Variants in RIMBP2 observed in about 807,000 individuals in gnomAD.
RIMBP2 encodes the protein RIMS-binding protein 2.
In RIMBP2, 48 loss-of-function variants were observed where a neutral mutation model predicts 118.6. The ratio of observed to expected loss-of-function variants is 0.40; its 90% CI spans 0.32 to 0.51. RIMBP2 has a LOEUF of 0.51. RIMBP2 is among the 20% of genes least tolerant of loss of function. The pLI is 0.41. For missense variants in RIMBP2, 1,551 were observed against 1,768.3 expected, an observed-to-expected ratio of 0.88 and a Z score of 2.20; for synonymous variants, 762 against 742.9, an observed-to-expected ratio of 1.03 and a Z score of -0.42.
rs559428160 is a variant in RIMBP2 at position 130,484,306 on chromosome 12, G to A, written c.-3-5290C>T. ...CCTGCTGTAACACCCTGGCTTTCGC[G>A]CTGTTTCTAAAGAGCAGACCAGTGC... On this transcript the variant is annotated intron_variant, in intron 4 of 22. Transcript: ENST00000690449. Among the ~76,000 whole-genome samples the A allele has an allele frequency of 1.4e-4, 21 of 152,262 alleles. No homozygotes were observed. In the South Asian group the frequency reaches 4.1e-3, roughly 30 times the overall value.
intron 1 of RIMBP2, among the ~76,000 whole-genome samples, chr12:130,704,988 A>G (rs1657854464): frequency 6.6e-6 from 1 of 152,086 alleles, no homozygotes. Flanking sequence ...GCTCAAAACA[A>G]CACACATCTC....
intron 1 of RIMBP2, among the ~76,000 whole-genome samples, chr12:130,701,915 C>T (rs755067119): frequency 1.3e-5 from 2 of 152,040 alleles, no homozygotes; most frequent in Non-Finnish European, 2.9e-5. Flanking sequence ...AGCCCACACA[C>T]GTATGTTCTA....
At chr12:130,575,409 T>C (rs536063911) in intron 2 of RIMBP2, among the ~76,000 whole-genome samples, 1 of 151,916 alleles carries the variant, frequency 6.6e-6, no homozygotes, top group Non-Finnish European at 1.5e-5. Flanking sequence ...GATATAGGAA[T>C]AGAATTCTTC....
At position 130,617,031 on chromosome 12, in the gene RIMBP2, C is replaced by G. The variant is rs1303003854; in HGVS notation, c.-217+11291G>C. ...CCTCCTCTGCAGAGGCCCCCATGTC[C>G]CACTGATGAGAGGTTCCACCCCATC... On this transcript the variant is annotated intron_variant, in intron 2 of 22. Coordinates refer to ENST00000690449, the MANE Select transcript of RIMBP2 (RefSeq NM_001393629.1). This position sits in a 1 kb window ranked among gnomAD's most constrained non-coding sequence, Gnocchi z 4.6. 6.6e-6 allele frequency among the ~76,000 whole-genome samples: 1 copy of G among 152,150 alleles called. No individual in the cohort carries two copies. The highest frequency in any genetic ancestry group is 1.5e-5 in the Non-Finnish European group (1 of 68,012).
chr12:130,502,415 AT>A (rs1226567356), intron 4 of RIMBP2, among the ~76,000 whole-genome samples: 3 of 151,822 alleles, frequency 2.0e-5, no homozygotes, highest in African/African-American at 7.3e-5. Context: ...TCCGGGTTTC[AT>A]TTTTTACTTC....
intron 2 of RIMBP2, among the ~76,000 whole-genome samples, chr12:130,614,285 C>T (rs1294830051): frequency 6.6e-6 from 1 of 152,156 alleles, no homozygotes; most frequent in Non-Finnish European, 1.5e-5. Context: ...CAGGAATCAG[C>T]GAAAACCATG....
At position 130,544,837 on chromosome 12, in the gene RIMBP2, C is replaced by T. The variant is rs537769527; in HGVS notation, c.-216-26920G>A. Among the ~76,000 whole-genome samples, 3 of 151,994 alleles carry T rather than the reference C, an allele frequency of 2.0e-5. No homozygotes were observed. The South Asian group carries it at 6.2e-4, about 32-fold the overall frequency. ...CCAATTCCTGAGCTCAGGTGATCTG[C>T]CTGCCTCCACCTCCCAAAGAACTGG... On this transcript the variant is annotated intron_variant, in intron 2 of 22. Transcript: ENST00000690449.
intron 2 of RIMBP2, among the ~76,000 whole-genome samples, chr12:130,611,115 C>A (rs971256121): frequency 6.6e-6 from 1 of 152,214 alleles, no homozygotes; most frequent in Non-Finnish European, 1.5e-5. Context: ...GCCAGGCCGC[C>A]CAAAGCGGGC....
intron 2 of RIMBP2, among the ~76,000 whole-genome samples, chr12:130,562,726 G>A (rs1029880729): frequency 1.3e-5 from 2 of 152,152 alleles, no homozygotes; most frequent in Admixed American, 6.5e-5. Context: ...GAAAAGGAGT[G>A]GAAACCTGAA....
intron 2 of RIMBP2, among the ~76,000 whole-genome samples, chr12:130,602,240 C>G (rs1223459557): frequency 6.6e-6 from 1 of 152,228 alleles, no homozygotes; most frequent in South Asian, 2.1e-4. Flanking sequence ...CAGAGAAATC[C>G]TAAGGTAGGT....
intron 4 of RIMBP2, among the ~76,000 whole-genome samples, chr12:130,503,801 G>A (rs2050038054): frequency 6.6e-6 from 1 of 152,134 alleles, no homozygotes; most frequent in African/African-American, 2.4e-5. Context: ...GAGAATCTTG[G>A]AGTAACTATG....
At chr12:130,632,386 T>A (rs1244359182) in intron 1 of RIMBP2, among the ~76,000 whole-genome samples, 18 of 144,598 alleles carry the variant, frequency 1.2e-4, no homozygotes, top group Non-Finnish European at 1.5e-5. Context: ...CTGCAAGTGA[T>A]GTACATTTTT....
intron 2 of RIMBP2, among the ~76,000 whole-genome samples, chr12:130,595,061 A>AT (rs1239609277): frequency 1.3e-5 from 2 of 152,224 alleles, no homozygotes; most frequent in African/African-American, 4.8e-5. Context: ...GCACTAGCAG[A>AT]TATTACCCCT....
chr12:130,604,470 TCCAC>T (rs1315942382), intron 2 of RIMBP2, among the ~76,000 whole-genome samples: 2 of 112,664 alleles, frequency 1.8e-5, no homozygotes, highest in African/African-American at 6.9e-5. Context: ...ACATTCACTC[TCCAC>T]TCACTCACTC....
chr12:130,513,876 G>C (rs2138980532), intron 3 of RIMBP2, among the ~76,000 whole-genome samples: 1 of 152,344 alleles, frequency 6.6e-6, no homozygotes, highest in Non-Finnish European at 1.5e-5. Flanking sequence ...GAATCAGATA[G>C]GGGAATTGCT....
At chr12:130,509,252 C>T (rs1449644014) in intron 3 of RIMBP2, among the ~76,000 whole-genome samples, 3 of 152,164 alleles carry the variant, frequency 2.0e-5, no homozygotes, top group Admixed American at 6.5e-5. Flanking sequence ...TTCTGGGAGT[C>T]GGAATTTCAG....
chr12:130,533,461 T>C (rs141674850), intron 2 of RIMBP2, among the ~76,000 whole-genome samples: 29 of 152,308 alleles, frequency 1.9e-4, no homozygotes, highest in African/African-American at 6.7e-4. Flanking sequence ...ATTTGGAATA[T>C]AAATTAGTAT....
chr12:130,449,713 G>A (rs1486545864), intron 9 of RIMBP2, among the ~76,000 whole-genome samples: 1 of 152,258 alleles, frequency 6.6e-6, no homozygotes, highest in Admixed American at 6.5e-5. Context: ...CTGCAGCGGG[G>A]CAGATTCCAA....
Position 130,646,080 on chromosome 12 carries a change from TCACCA to T in RIMBP2, c.-351-17629_-351-17625del, listed in dbSNP as rs1284612030. ...CTCACCACCTGCCTCTCCACCTCCC[TCACCA>T]CTTCCCTCTCCACCTCCCTCTCCAC... On this transcript the variant is annotated intron_variant, in intron 1 of 22. Coordinates refer to ENST00000690449, the MANE Select transcript of RIMBP2 (RefSeq NM_001393629.1). 3.5e-4 allele frequency among the ~76,000 whole-genome samples: 47 copies of T among 135,826 alleles called. 1 individual carries two copies. The highest frequency in any genetic ancestry group is 6.6e-4 in the Non-Finnish European group (40 of 60,794). 89.1% of individuals were successfully genotyped at this position (135,826 alleles called of 152,430 possible). A position where few individuals can be genotyped will look rare whatever the true frequency, so the allele number is the denominator to read the frequency against.
Sources: allele counts gnomAD v4.1 joint callset (sites outside exome capture counted in the v4.1 genomes callset), GRCh38; gene constraint gnomAD v4.1.1; non-coding constraint Gnocchi (gnomAD v3.1); transcripts MANE v1.5; gene names NCBI Gene and HGNC (gene_info 2026-07-23, HGNC 2026-07-21).